The following SORT1 variants were observed in gnomAD, a reference collection of about 807,000 sequenced individuals.
SORT1 encodes the protein sortilin 1.
Under a neutral mutation model 101.7 loss-of-function variants are expected in SORT1, and 39 were observed. The ratio of observed to expected loss-of-function variants is 0.38; its 90% CI spans 0.30 to 0.50. The LOEUF is 0.50. Ranked by LOEUF, SORT1 falls within the 20% of genes least tolerant of loss-of-function variation. The pLI is 0.90. For missense variants in SORT1, 878 were observed against 1,040.4 expected (o/e 0.84, Z 2.15); for synonymous variants, 396 against 393.7 (o/e 1.01, Z -0.07).
At chr1:109,391,307 A>G (rs938363970) in intron 1 of SORT1, among the ~76,000 whole-genome samples, 9 of 152,208 alleles carry the variant, frequency 5.9e-5, no homozygotes, top group African/African-American at 1.7e-4. Context: ...AATCCATGCT[A>G]TGTTCAAGTT....
At chr1:109,348,798 T>TG (rs1419430795) in intron 6 of SORT1, among the ~76,000 whole-genome samples, 6 of 152,030 alleles carry the variant, frequency 3.9e-5, no homozygotes, top group Non-Finnish European at 1.5e-5. Flanking sequence ...TGGCTAAAGA[T>TG]GAGTTTTAAT....
chr1:109,361,797 C>A (rs987472177), intron 3 of SORT1, among the ~76,000 whole-genome samples: 1 of 152,094 alleles, frequency 6.6e-6, no homozygotes, highest in African/African-American at 2.4e-5. Flanking sequence ...TGGTCCCTTG[C>A]CAGTCATTTA....
At chr1:109,335,428 CGAGTGTAAAGGAG>C (rs1302527624) in intron 11 of SORT1, among the ~76,000 whole-genome samples, 1 of 152,086 alleles carries the variant, frequency 6.6e-6, no homozygotes, top group Non-Finnish European at 1.5e-5. Flanking sequence ...ACAGTGCTTG[CGAGTGTAAAGGAG>C]GAGAGTGTGT....
chr1:109,327,305 C>T (rs922118229), intron 12 of SORT1, 145 bp from the exon 13 acceptor site: 18 of 843,776 alleles, frequency 2.1e-5, no homozygotes, highest in Non-Finnish European at 3.1e-5. Context: ...CCAAAAACTT[C>T]GGAGAAGTTG....
At chr1:109,346,966 C>T (rs753808434) in intron 7 of SORT1, among the ~76,000 whole-genome samples, 6 of 152,204 alleles carry the variant, frequency 3.9e-5, no homozygotes, top group African/African-American at 1.4e-4. Flanking sequence ...ATGCAACCAT[C>T]ATGCCCAGCT....
chr1:109,362,130 T>C (rs1473765870), intron 3 of SORT1, among the ~76,000 whole-genome samples: 1 of 152,204 alleles, frequency 6.6e-6, no homozygotes, highest in Non-Finnish European at 1.5e-5. Context: ...TCTAGTGCTA[T>C]TGGCCATGAA....
rs779436301 is a variant in SORT1 at position 109,393,204 on chromosome 1, AC to A, written c.306+4382del. The A allele has an allele frequency of 2.8e-4, 279 of 985,386 alleles. No homozygotes were observed. The Middle Eastern group carries it at 3.1e-3, about 11-fold the overall frequency. 61.0% of individuals were successfully genotyped at this position (985,386 alleles called of 1,614,324 possible). Reference sequence around the variant, plus strand: ...TCCCAGAGCTGACACCCCATACAACACGGCCTCTCTACAGGGCCTGTTTATT... The same window carrying A: ...TCCCAGAGCTGACACCCCATACAACAGGCCTCTCTACAGGGCCTGTTTATT... On this transcript the variant is annotated intron_variant, in intron 1 of 19. Transcript: ENST00000256637.
At chr1:109,340,984 A>T in intron 9 of SORT1, 105 bp from the exon 10 acceptor site, 1 of 840,522 alleles carries the variant, frequency 1.2e-6, no homozygotes, top group Non-Finnish European at 1.8e-6. Flanking sequence ...CACAGTAGCC[A>T]ATTGTGTCTC....
At chr1:109,347,284 G>C (rs1003574017) in intron 7 of SORT1, among the ~76,000 whole-genome samples, 199 bp downstream of exon 7, 1 of 152,090 alleles carries the variant, frequency 6.6e-6, no homozygotes. Context: ...TCTACGTATA[G>C]CCTATATTTT....
chr1:109,347,589 T>C, intron 6 of SORT1, 57 bp from the exon 7 acceptor site: 2 of 1,237,200 alleles, frequency 1.6e-6, no homozygotes, highest in Non-Finnish European at 2.4e-6. Flanking sequence ...AAGGACTGTG[T>C]TGACCTTACT....
intron 2 of SORT1, among the ~76,000 whole-genome samples, chr1:109,368,032 G>A (rs752866493): frequency 1.3e-5 from 2 of 152,086 alleles, no homozygotes; most frequent in Non-Finnish European, 2.9e-5. Context: ...GGTGGCTCAC[G>A]CCTGTAATCA....
At chr1:109,338,703 T>C (rs569297025) in intron 10 of SORT1, among the ~76,000 whole-genome samples, 1 of 152,256 alleles carries the variant, frequency 6.6e-6, no homozygotes, top group African/African-American at 2.4e-5. Context: ...TCTTTTTTTC[T>C]ACTTGTTGTT....
chr1:109,356,723 C>CT (rs757078311), intron 3 of SORT1, among the ~76,000 whole-genome samples: 2 of 152,204 alleles, frequency 1.3e-5, no homozygotes, highest in Non-Finnish European at 2.9e-5. Context: ...TTAATCTCAA[C>CT]TCTCAGAGTT....
chr1:109,361,322 A>G (rs895711574), intron 3 of SORT1, among the ~76,000 whole-genome samples: 1 of 152,224 alleles, frequency 6.6e-6, no homozygotes, highest in African/African-American at 2.4e-5. Context: ...CTGCCACTTT[A>G]TAACAAGGAT....
intron 15 of SORT1, among the ~76,000 whole-genome samples, 172 bp downstream of exon 15, chr1:109,322,760 G>A (rs1328297713): frequency 2.6e-5 from 4 of 151,944 alleles, no homozygotes; most frequent in African/African-American, 7.3e-5. Context: ...GGCTGGTCTC[G>A]AACTCCCGGC....
chr1:109,385,392 C>T (rs1192760033), intron 1 of SORT1, among the ~76,000 whole-genome samples: 3 of 152,074 alleles, frequency 2.0e-5, no homozygotes, highest in Admixed American at 6.5e-5. Context: ...AAAAAGCAAG[C>T]AAACAAAAAA....
chr1:109,350,655 G>A (rs1214796958), intron 6 of SORT1, among the ~76,000 whole-genome samples: 1 of 152,162 alleles, frequency 6.6e-6, no homozygotes, highest in Non-Finnish European at 1.5e-5. Flanking sequence ...ACCATTCATG[G>A]AGAATGAACC....
At chr1:109,317,068 C>A (rs1487996211) in intron 16 of SORT1, 110 bp from the exon 17 acceptor site, 4 of 718,116 alleles carry the variant, frequency 5.6e-6, no homozygotes, top group Non-Finnish European at 7.2e-6. Context: ...CCCATCCTTA[C>A]GTCATGTTTC....
intron 1 of SORT1, among the ~76,000 whole-genome samples, chr1:109,388,554 C>T (rs1195817245): frequency 6.6e-6 from 1 of 152,126 alleles, no homozygotes; most frequent in African/African-American, 2.4e-5. Flanking sequence ...GCTAATATGT[C>T]TTAATCCAGA....
Sources: allele counts gnomAD v4.1 joint callset (sites outside exome capture counted in the v4.1 genomes callset), GRCh38; gene constraint gnomAD v4.1.1; transcripts MANE v1.5; gene names NCBI Gene and HGNC (gene_info 2026-07-23, HGNC 2026-07-21).